Variants in NOL4 observed in about 807,000 individuals in gnomAD.
The protein encoded by NOL4 is cancer/testis antigen 125.
A neutral mutation model predicts 75.9 loss-of-function variants in NOL4; 17 were observed. That is an observed-to-expected ratio of 0.22 (90% CI 0.15 to 0.34). The LOEUF is 0.34. Ranked by LOEUF, NOL4 falls within the 10% of genes least tolerant of loss-of-function variation. The pLI, the probability that NOL4 is intolerant of heterozygous loss-of-function variation, is 1.00. For synonymous variants in NOL4, 292 were observed against 289.9 expected (o/e 1.01, Z -0.07); for missense variants, 614 against 793.5 (o/e 0.77, Z 2.72).
chr18:34,127,671 A>C (rs1393663300), intron 2 of NOL4, among the ~76,000 whole-genome samples: 1 of 151,884 alleles, frequency 6.6e-6, no homozygotes, highest in Non-Finnish European at 1.5e-5. Flanking sequence ...ACTTACATCA[A>C]ATTTTAACAT....
chr18:34,218,071 G>C (rs2037035542), intron 1 of NOL4, among the ~76,000 whole-genome samples: 1 of 148,730 alleles, frequency 6.7e-6, no homozygotes, highest in African/African-American at 2.5e-5. Context: ...AAACATAGTA[G>C]ATTCACATTC....
intron 5 of NOL4, among the ~76,000 whole-genome samples, chr18:34,031,753 G>C (rs2075649082): frequency 6.6e-6 from 1 of 152,214 alleles, no homozygotes; most frequent in Non-Finnish European, 1.5e-5. Flanking sequence ...TGCCAAGAGA[G>C]ACTCCTCAAT....
At chr18:33,870,790 C>T (rs1599689878) in intron 10 of NOL4, among the ~76,000 whole-genome samples, 1 of 151,902 alleles carries the variant, frequency 6.6e-6, no homozygotes, top group African/African-American at 2.4e-5. Flanking sequence ...CAAAAAAAAT[C>T]CTAAATTCAG....
chr18:33,895,001 A>G (rs1453601743), intron 9 of NOL4, among the ~76,000 whole-genome samples: 1 of 152,174 alleles, frequency 6.6e-6, no homozygotes, highest in Non-Finnish European at 1.5e-5. Flanking sequence ...AATGATAGGT[A>G]AATGAAGTGA....
At chr18:34,206,021 A>T (rs1261718461) in intron 1 of NOL4, among the ~76,000 whole-genome samples, 2 of 152,172 alleles carry the variant, frequency 1.3e-5, no homozygotes, top group Non-Finnish European at 2.9e-5. Flanking sequence ...CATCCCACAC[A>T]TTTTGATATG....
chr18:34,100,068 A>G (rs1041380740), intron 4 of NOL4, among the ~76,000 whole-genome samples: 2 of 149,300 alleles, frequency 1.3e-5, no homozygotes, highest in African/African-American at 5.0e-5. Flanking sequence ...CTGATGAATT[A>G]GGAGCAAACA....
At chr18:34,221,799 T>C (rs1251002059) in intron 1 of NOL4, among the ~76,000 whole-genome samples, 3 of 152,152 alleles carry the variant, frequency 2.0e-5, no homozygotes, top group Non-Finnish European at 4.4e-5. Context: ...AAAAAAACTT[T>C]TCATGCACAT....
chr18:34,093,418 A>AT (rs761066713), intron 5 of NOL4, 47 bp downstream of exon 5: 31 of 1,513,108 alleles, frequency 2.0e-5, no homozygotes, highest in South Asian at 5.1e-5. Context: ...ATTCTGACTC[A>AT]TTTTTTTGCT....
intron 5 of NOL4, among the ~76,000 whole-genome samples, chr18:34,052,647 A>T (rs999597216): frequency 6.6e-6 from 1 of 152,094 alleles, no homozygotes; most frequent in African/African-American, 2.4e-5. Flanking sequence ...CAGAAAAATA[A>T]GATAGTATTT....
intron 5 of NOL4, among the ~76,000 whole-genome samples, chr18:34,032,297 C>A (rs1055957149): frequency 3.3e-5 from 5 of 152,060 alleles, no homozygotes; most frequent in Non-Finnish European, 7.4e-5. Context: ...CTGCCCACAA[C>A]CTGAGCATTC....
At chr18:33,993,755 T>C (rs2073086878) in intron 6 of NOL4, among the ~76,000 whole-genome samples, 1 of 151,330 alleles carries the variant, frequency 6.6e-6, no homozygotes, top group African/African-American at 2.4e-5. Context: ...CATCAATAAA[T>C]AGAAATAATA....
At chr18:34,017,622 C>T (rs1158797611) in intron 6 of NOL4, among the ~76,000 whole-genome samples, 2 of 152,058 alleles carry the variant, frequency 1.3e-5, no homozygotes, top group Non-Finnish European at 2.9e-5. Context: ...AATAATATCT[C>T]TTGATTCTTT....
chr18:34,152,838 A>C (rs1367997639), intron 1 of NOL4, among the ~76,000 whole-genome samples: 1 of 151,944 alleles, frequency 6.6e-6, no homozygotes, highest in Non-Finnish European at 1.5e-5. Context: ...GTACTTAGAC[A>C]AAAGAAAATT....
intron 6 of NOL4, among the ~76,000 whole-genome samples, chr18:34,018,065 C>A (rs564494657): frequency 2.2e-4 from 33 of 152,088 alleles, no homozygotes; most frequent in African/African-American, 7.5e-4. Flanking sequence ...AGCAAACTAT[C>A]GAATAATTTT....
chr18:34,222,448 C>A, intron 1 of NOL4: 1 of 1,090,334 alleles, frequency 9.2e-7, no homozygotes, highest in Non-Finnish European at 1.1e-6. Flanking sequence ...CCGTGCCTCC[C>A]GGGCAGCGAT....
chr18:34,191,634 C>T (rs1330643423), intron 1 of NOL4, among the ~76,000 whole-genome samples: 1 of 152,076 alleles, frequency 6.6e-6, no homozygotes, highest in Non-Finnish European at 1.5e-5. Context: ...CTGTTTTATT[C>T]TTTTAATCTC....
chr18:34,103,470 C>A (rs1371448022), intron 4 of NOL4, among the ~76,000 whole-genome samples: 1 of 151,862 alleles, frequency 6.6e-6, no homozygotes, highest in Non-Finnish European at 1.5e-5. Context: ...TTTCACTATA[C>A]AAATTAAATA....
chr18:33,892,489 CAA>C (rs1395929840), intron 9 of NOL4, among the ~76,000 whole-genome samples: 1 of 151,868 alleles, frequency 6.6e-6, no homozygotes, highest in Non-Finnish European at 1.5e-5. Flanking sequence ...TATGAGTTCC[CAA>C]AGTTCTCACA....
At chr18:34,107,906 A>G (rs1053889080) in intron 2 of NOL4, among the ~76,000 whole-genome samples, 1 of 152,180 alleles carries the variant, frequency 6.6e-6, no homozygotes, top group Non-Finnish European at 1.5e-5. Flanking sequence ...TAGAGCATAG[A>G]AATAAGAAAA....
Sources: gnomAD v4.1 joint callset for allele counts (sites outside exome capture counted in the v4.1 genomes callset) on GRCh38, gnomAD v4.1.1 for gene constraint, MANE v1.5 for transcripts, NCBI Gene and HGNC (gene_info 2026-07-23, HGNC 2026-07-21) for gene names.